The following CASS4 variants were observed in gnomAD, a reference collection of about 807,000 sequenced individuals.
CASS4 encodes the protein cas scaffolding protein family member 4.
A neutral mutation model predicts 54.2 loss-of-function variants in CASS4; 22 were observed. The ratio of observed to expected loss-of-function variants is 0.41; its 90% CI spans 0.29 to 0.58. The LOEUF (loss-of-function observed/expected upper bound fraction) is 0.58, where lower values mean the gene tolerates loss of function less well. CASS4 is among the 20% of genes least tolerant of loss of function. CASS4 has a pLI of 0.36. For missense variants in CASS4, 854 were observed against 986.7 expected, an observed-to-expected ratio of 0.87 and a Z score of 1.80; for synonymous variants, 409 against 391.5, an observed-to-expected ratio of 1.04 and a Z score of -0.53.
intron 1 of CASS4, among the ~76,000 whole-genome samples, chr20:56,429,066 G>A (rs1979776780): frequency 6.6e-6 from 1 of 152,236 alleles, no homozygotes; most frequent in Non-Finnish European, 1.5e-5. Flanking sequence ...CGGGCAGTGT[G>A]TCCACCCCGG....
chr20:56,453,327 A>G (rs1236975847), intron 5 of CASS4, 198 bp downstream of exon 5: 1 of 476,880 alleles, frequency 2.1e-6, no homozygotes, highest in African/African-American at 2.0e-5. Context: ...AGGTCAGCAT[A>G]GGCAGATAGG....
At chr20:56,431,117 T>C (rs1979883624) in intron 1 of CASS4, among the ~76,000 whole-genome samples, 1 of 152,048 alleles carries the variant, frequency 6.6e-6, no homozygotes, top group Admixed American at 6.5e-5. Context: ...AGAATTTAAG[T>C]GACCTTGGAC....
chr20:56,453,284 T>C (rs1981133971), intron 5 of CASS4, 155 bp downstream of exon 5: 2 of 614,858 alleles, frequency 3.3e-6, no homozygotes, highest in Non-Finnish European at 5.6e-6. Flanking sequence ...GTAAAATTCT[T>C]GATGAAATCT....
chr20:56,437,630 A>G lies in CASS4; in HGVS notation c.459+44A>G, dbSNP rs767950409. The stretch of plus-strand genomic sequence containing the variant: ...ACTAGACATGGGTTGAGGGGTATGG[A>G]AACACCCAGAGGCCTAACTACCTCT... On this transcript the variant is annotated intron_variant, in intron 2 of 5. Coordinates refer to ENST00000679887, the MANE Select transcript of CASS4 (RefSeq NM_020356.4). The surrounding 1 kb of genome is among the most constrained non-coding windows in gnomAD (Gnocchi z 4.7). 1.6e-5 allele frequency: 23 copies of G among 1,483,630 alleles called. No individual in the cohort carries two copies. The highest frequency in any genetic ancestry group is 2.0e-5 in the Non-Finnish European group (22 of 1,108,868). 91.9% of individuals were successfully genotyped at this position (1,483,630 alleles called of 1,614,324 possible).
rs747726001 is a variant in CASS4 at position 56,458,357 on chromosome 20, A to G, written c.1971A>G (p.Ile657Met). 4.0e-5 allele frequency: 65 copies of G among 1,611,796 alleles called. No homozygotes were observed. Among genetic ancestry groups the G allele is most frequent in the Non-Finnish European group, 5.3e-5 (62 of 1,178,264 alleles). ...TTCTTTAGAATCCTGGCCCTCTTATACCTCAGCCTTCGAGTCAACAGACTC... is the reference window on the plus strand; with the variant it reads ...TTCTTTAGAATCCTGGCCCTCTTATGCCTCAGCCTTCGAGTCAACAGACTC... ...NICGQNPGPL[I>M]PQPSSQQTPE... The change falls in exon 6 of 6, where the codon ATA (isoleucine) becomes ATG (methionine). Residue 657 changes from isoleucine (I) to methionine (M), a missense_variant. Transcript: ENST00000679887.
intron 1 of CASS4, among the ~76,000 whole-genome samples, chr20:56,427,233 T>C (rs1979682953): frequency 6.6e-6 from 1 of 151,964 alleles, no homozygotes; most frequent in Non-Finnish European, 1.5e-5. Context: ...CAGAATGTTG[T>C]TACCCACCAG....
chr20:56,442,824 C>T (rs1470433093), intron 2 of CASS4, among the ~76,000 whole-genome samples: 5 of 151,816 alleles, frequency 3.3e-5, no homozygotes, highest in Non-Finnish European at 7.3e-5. Flanking sequence ...CTAAACCTTT[C>T]GAAACTGTGT....
At chr20:56,450,095 G>A (rs1372902785) in intron 3 of CASS4, among the ~76,000 whole-genome samples, 1 of 151,330 alleles carries the variant, frequency 6.6e-6, no homozygotes, top group Non-Finnish European at 1.5e-5. Context: ...ACAATGGTGC[G>A]ATCTTGGCTT....
At position 56,452,200 on chromosome 20, in the gene CASS4, C is replaced by A. The variant is rs746817385; in HGVS notation, c.1024C>A (p.Gln342Lys). 5 of 1,614,180 alleles carry A rather than the reference C, an allele frequency of 3.1e-6. No homozygotes were observed. The South Asian group carries it at 3.3e-5, about 11-fold the overall frequency. Reference protein sequence around the residue: ...PSSFLIPRVEQQNTKPNIYDI... With the variant: ...PSSFLIPRVEKQNTKPNIYDI... ...AAGCTTTCTGATTCCCCGAGTGGAA[C>A]AGCAGAACACCAAGCCCAATATTTA... Residue 342 changes from glutamine to lysine, a missense_variant, in exon 5 of 6, where the codon CAG (glutamine) becomes AAG (lysine). Physicochemically the swap from Gln to Lys is moderately conservative, Grantham distance 53. Transcript: ENST00000679887.
At chr20:56,451,685 C>T (rs1884910) in intron 4 of CASS4, 134 bp from the exon 5 acceptor site, 3 of 675,052 alleles carry the variant, frequency 4.4e-6, no homozygotes, top group Admixed American at 2.9e-5. Context: ...CAAAAGAATC[C>T]TGAAGGACCT....
chr20:56,438,470 A>T (rs546138371), intron 2 of CASS4, among the ~76,000 whole-genome samples: 1 of 152,232 alleles, frequency 6.6e-6, no homozygotes, highest in African/African-American at 2.4e-5. Context: ...TTGGCATATC[A>T]CCACAACAAG....
At position 56,412,512 on chromosome 20, in the gene CASS4, G is replaced by C. The variant is rs1978931516; in HGVS notation, c.36+18G>C. The C allele has an allele frequency of 1.2e-6, 2 of 1,610,378 alleles. No homozygotes were observed. The highest frequency in any genetic ancestry group is 1.7e-6 in the Non-Finnish European group (2 of 1,178,216). ...CGCCCAAGGTGAGTGATGTGGGGCTGTTTGAATGGGCTCTGGCGGGGAGCA... is the reference window on the plus strand; with the variant it reads ...CGCCCAAGGTGAGTGATGTGGGGCTCTTTGAATGGGCTCTGGCGGGGAGCA... On this transcript the variant is annotated intron_variant, in intron 1 of 5. Coordinates refer to ENST00000679887, the MANE Select transcript of CASS4 (RefSeq NM_020356.4). The surrounding 1 kb of genome is among the most constrained non-coding windows in gnomAD (Gnocchi z 4.2).
chr20:56,435,588 C>T (rs544658034), intron 1 of CASS4, among the ~76,000 whole-genome samples: 37 of 152,300 alleles, frequency 2.4e-4, no homozygotes, highest in African/African-American at 8.7e-4. Context: ...GAAGGGGGCT[C>T]GGCCATCACT....
intron 1 of CASS4, among the ~76,000 whole-genome samples, chr20:56,421,137 G>T (rs989830648): frequency 6.6e-6 from 1 of 152,146 alleles, no homozygotes; most frequent in Non-Finnish European, 1.5e-5. Flanking sequence ...ATTCTTCCGG[G>T]TCAATCAAAT....
chr20:56,449,111 A>G (rs990173528), intron 3 of CASS4, among the ~76,000 whole-genome samples: 1 of 152,214 alleles, frequency 6.6e-6, no homozygotes, highest in African/African-American at 2.4e-5. Flanking sequence ...ATTACTGAGT[A>G]TATACCCAAA....
At chr20:56,420,030 C>T (rs766603900) in intron 1 of CASS4, among the ~76,000 whole-genome samples, 1 of 151,956 alleles carries the variant, frequency 6.6e-6, no homozygotes, top group Admixed American at 6.6e-5. Context: ...GCAACAAGAG[C>T]GAAAACTCCA....
At chr20:56,420,880 A>G (rs574158995) in intron 1 of CASS4, among the ~76,000 whole-genome samples, 1 of 152,308 alleles carries the variant, frequency 6.6e-6, no homozygotes, top group East Asian at 1.9e-4. Context: ...CCCTTTGGGT[A>G]TCCCAAATAA....
At chr20:56,446,486 C>T (rs557414430) in intron 3 of CASS4, among the ~76,000 whole-genome samples, 72 of 152,004 alleles carry the variant, frequency 4.7e-4, no homozygotes, top group African/African-American at 1.6e-3. Context: ...AGTCTTAACA[C>T]GGATTATCAC....
chr20:56,429,197 G>C (rs1206923004), intron 1 of CASS4, among the ~76,000 whole-genome samples: 1 of 152,210 alleles, frequency 6.6e-6, no homozygotes, highest in African/African-American at 2.4e-5. Context: ...CATGCCTGCG[G>C]ATGTCTCTTA....
Sources: gnomAD v4.1 joint callset for allele counts (sites outside exome capture counted in the v4.1 genomes callset) on GRCh38, gnomAD v4.1.1 for gene constraint, Gnocchi (gnomAD v3.1) non-coding constraint, MANE v1.5 for transcripts, NCBI Gene and HGNC (gene_info 2026-07-23, HGNC 2026-07-21) for gene names.